Variants in DMD observed in about 807,000 individuals in gnomAD.
DMD encodes the protein dystrophin.
Under a neutral mutation model 330.1 loss-of-function variants are expected in DMD, and 63 were observed. The observed-to-expected ratio is 0.19, with a 90% confidence interval of 0.16 to 0.24. The LOEUF (loss-of-function observed/expected upper bound fraction) is 0.24, where lower values mean the gene tolerates loss of function less well. Among genes scored for constraint, DMD ranks in the 10% least tolerant of loss-of-function variants. DMD has a pLI of 1.00. For synonymous variants in DMD, 1,223 were observed against 959.8 expected (o/e 1.27, Z -5.07); for missense variants, 3,344 against 2,684.1 (o/e 1.25, Z -5.43).
intron 54 of DMD, among the ~76,000 whole-genome samples, chrX:31,649,533 A>G (rs2080315291): frequency 9.0e-6 from 1 of 111,403 alleles, no homozygotes. Flanking sequence ...CGGAGCCCCA[A>G]GATTTCACAT....
At chrX:32,103,467 C>G (rs1357435607) in intron 44 of DMD, among the ~76,000 whole-genome samples, 1 of 111,667 alleles carries the variant, frequency 9.0e-6, no homozygotes, top group African/African-American at 3.3e-5. Flanking sequence ...GAAGCTATGT[C>G]TTACACTCCT....
At chrX:31,828,663 C>CAA (rs147580367) in intron 49 of DMD, among the ~76,000 whole-genome samples, 2 of 66,138 alleles carry the variant, frequency 3.0e-5, no homozygotes, top group African/African-American at 5.6e-5. Context: ...AACTCCATCT[C>CAA]AAAAAAAAAA....
At chrX:31,286,261 C>T (rs1351747375) in intron 62 of DMD, among the ~76,000 whole-genome samples, 7 of 111,540 alleles carry the variant, frequency 6.3e-5, no homozygotes, top group African/African-American at 1.3e-4. Flanking sequence ...TATGTTTAAG[C>T]CACTACAAAT....
At chrX:32,487,317 C>T (rs1160983380) in intron 20 of DMD, among the ~76,000 whole-genome samples, 1 of 111,487 alleles carries the variant, frequency 9.0e-6, no homozygotes, top group East Asian at 2.8e-4. Context: ...GTGTTATTAT[C>T]ATGGCTGCTT....
intron 1 of DMD, among the ~76,000 whole-genome samples, chrX:33,277,238 G>A (rs1290878876): frequency 3.6e-5 from 4 of 111,388 alleles, no homozygotes; most frequent in Admixed American, 1.9e-4. Flanking sequence ...GAGACAGAAA[G>A]TGGTTTCGTG....
In DMD at chrX:32,456,633, T is replaced by C. The variant is rs1239251165; in HGVS notation, c.3433-1801A>G. ...GTGTGTGTGTATGTGTGTGTGTGTG[T>C]GCACGTGCTCAAGTATGGTGAGATA... On this transcript the variant is annotated intron_variant, in intron 25 of 78. Transcript: ENST00000357033. 2.9e-5 allele frequency among the ~76,000 whole-genome samples: 3 copies of C among 102,690 alleles called. No homozygotes were observed. In the East Asian group the frequency reaches 9.7e-4, roughly 33 times the overall value. 89.2% of individuals were successfully genotyped at this position (102,690 alleles called of 115,157 possible).
At chrX:31,809,976 G>T (rs1284763063) in intron 50 of DMD, among the ~76,000 whole-genome samples, 2 of 111,004 alleles carry the variant, frequency 1.8e-5, no homozygotes, top group Admixed American at 9.7e-5. Flanking sequence ...TCAAGCACGC[G>T]ATCATTTAAT....
At chrX:31,313,929 G>A (rs753958679) in intron 62 of DMD, among the ~76,000 whole-genome samples, 1 of 109,832 alleles carries the variant, frequency 9.1e-6, no homozygotes, top group Non-Finnish European at 1.9e-5. Context: ...CGCCTCCCTG[G>A]TTCAAGGGAT....
intron 52 of DMD, among the ~76,000 whole-genome samples, chrX:31,690,065 A>G (rs1396036038): frequency 8.9e-6 from 1 of 112,083 alleles, no homozygotes; most frequent in African/African-American, 3.2e-5. Context: ...ATGGGCAAGG[A>G]CTTCATGTCT....
chrX:33,113,312 C>A (rs900612317), intron 1 of DMD, among the ~76,000 whole-genome samples: 2 of 110,952 alleles, frequency 1.8e-5, no homozygotes, highest in Non-Finnish European at 3.8e-5. Flanking sequence ...ACGCCTCAGC[C>A]GCCCAAAGTG....
At chrX:31,836,282 AG>A (rs2093195814) in intron 49 of DMD, among the ~76,000 whole-genome samples, 1 of 112,600 alleles carries the variant, frequency 8.9e-6, no homozygotes, top group Non-Finnish European at 1.9e-5. Context: ...TTTATAAGAA[AG>A]AGCAACAAAG....
At chrX:31,181,839 C>A (rs1247120393) in intron 68 of DMD, among the ~76,000 whole-genome samples, 1 of 112,629 alleles carries the variant, frequency 8.9e-6, no homozygotes, top group Non-Finnish European at 1.9e-5. Flanking sequence ...TCTGCACAGG[C>A]ATAGACCATA....
At chrX:32,170,488 AATT>A (rs1183168103) in intron 44 of DMD, among the ~76,000 whole-genome samples, 6 of 105,703 alleles carry the variant, frequency 5.7e-5, no homozygotes, top group Non-Finnish European at 9.7e-5. Context: ...TAATAATAAT[AATT>A]ATTATTATTA....
At chrX:32,191,465 A>G (rs2096975378) in intron 44 of DMD, among the ~76,000 whole-genome samples, 1 of 111,999 alleles carries the variant, frequency 8.9e-6, no homozygotes, top group African/African-American at 3.2e-5. Context: ...CAGCGAGAAT[A>G]AGGGGATAAT....
At chrX:31,904,319 G>C (rs1170121755) in intron 47 of DMD, among the ~76,000 whole-genome samples, 1 of 111,574 alleles carries the variant, frequency 9.0e-6, no homozygotes, top group Non-Finnish European at 1.9e-5. Context: ...CAGGTGAAGG[G>C]AAATAATCCG....
intron 43 of DMD, among the ~76,000 whole-genome samples, chrX:32,258,672 G>A (rs12688775): frequency 0.18 from 19,908 of 109,273 alleles, 1,451 homozygotes; most frequent in East Asian, 0.31. Flanking sequence ...AGGGGATGGG[G>A]GGTTAGGGGA....
At chrX:32,695,419 G>A (rs987892776) in intron 9 of DMD, among the ~76,000 whole-genome samples, 3 of 111,845 alleles carry the variant, frequency 2.7e-5, no homozygotes, top group Admixed American at 9.5e-5. Flanking sequence ...CATGAAATAC[G>A]TGTGTAATGA....
chrX:31,126,962 T>C (rs191535651), intron 77 of DMD, among the ~76,000 whole-genome samples: 38 of 111,755 alleles, frequency 3.4e-4, no homozygotes, highest in Admixed American at 2.9e-3. Flanking sequence ...GGATGAAAAC[T>C]GGCACAGAAT....
intron 42 of DMD, among the ~76,000 whole-genome samples, chrX:32,296,339 C>A (rs1026315118): frequency 9.0e-6 from 1 of 110,698 alleles, no homozygotes; most frequent in African/African-American, 3.3e-5. Context: ...TGCAGTGAGC[C>A]GAGACTGTGC....
Sources: allele counts gnomAD v4.1 joint callset (sites outside exome capture counted in the v4.1 genomes callset), GRCh38; gene constraint gnomAD v4.1.1; transcripts MANE v1.5; gene names NCBI Gene and HGNC (gene_info 2026-07-23, HGNC 2026-07-21).